PCDH11Y: variants seen among roughly 807,000 people sequenced by gnomAD.
The protein encoded by PCDH11Y is protocadherin 11 Y-linked.
For synonymous variants in PCDH11Y, 9 were observed against 83.6 expected, an observed-to-expected ratio of 0.11 and a Z score of 4.87; for missense variants, 12 against 224.8, an observed-to-expected ratio of 0.05 and a Z score of 6.05.
chrY:5,428,772 A>C, intron 2 of PCDH11Y, among the ~76,000 whole-genome samples: 1 of 33,161 alleles, frequency 3.0e-5, no homozygotes, highest in African/African-American at 1.2e-4. Context: ...AATACATTGC[A>C]CTACAACATT....
At chrY:5,538,696 A>G in intron 3 of PCDH11Y, among the ~76,000 whole-genome samples, 1 of 32,646 alleles carries the variant, frequency 3.1e-5, no homozygotes, top group Non-Finnish European at 7.5e-5. Context: ...ACAGGGCTGT[A>G]TTTTAGGAGA....
At chrY:5,216,875 C>T in intron 2 of PCDH11Y, among the ~76,000 whole-genome samples, 1 of 31,951 alleles carries the variant, frequency 3.1e-5, no homozygotes, top group African/African-American at 1.2e-4. Context: ...CTACTGTAGT[C>T]GCTTCAGTCA....
At chrY:5,203,557 C>G in intron 2 of PCDH11Y, among the ~76,000 whole-genome samples, 1 of 31,125 alleles carries the variant, frequency 3.2e-5, no homozygotes, top group African/African-American at 1.3e-4. Context: ...AATAATAAAT[C>G]AAATATGTTG....
At chrY:5,421,049 TACACACACAC>T (rs1310744427) in intron 2 of PCDH11Y, among the ~76,000 whole-genome samples, 2 of 16,960 alleles carry the variant, frequency 1.2e-4, no homozygotes, top group East Asian at 2.0e-3. Context: ...CTACTAAAAA[TACACACACAC>T]ACACACACAC....
At chrY:5,668,915 G>A (rs2053546951) in intron 4 of PCDH11Y, among the ~76,000 whole-genome samples, 1 of 29,093 alleles carries the variant, frequency 3.4e-5, no homozygotes, top group Non-Finnish European at 8.2e-5. Flanking sequence ...TCACGATGGC[G>A]AAAGAGAGCA....
chrY:5,740,522 T>C, exon 5 of PCDH11Y: 3 of 33,044 alleles, frequency 9.1e-5, no homozygotes, highest in Admixed American at 8.3e-4. Flanking sequence ...GGAAGCAGGC[T>C]GAGAGTAGCC....
intron 4 of PCDH11Y, among the ~76,000 whole-genome samples, chrY:5,615,023 G>A: frequency 3.1e-5 from 1 of 31,875 alleles, no homozygotes; most frequent in East Asian, 8.4e-4. Context: ...AAAGCCATCA[G>A]ATCTCGTGAG....
intron 2 of PCDH11Y, among the ~76,000 whole-genome samples, chrY:5,340,384 G>C: frequency 3.4e-5 from 1 of 29,190 alleles, no homozygotes; most frequent in African/African-American, 1.4e-4. Context: ...TCACTGACTC[G>C]AATGTTAATC....
intron 2 of PCDH11Y, chrY:5,338,855 A>AT: frequency 3.0e-6 from 1 of 333,900 alleles, no homozygotes; most frequent in South Asian, 3.1e-5. Context: ...CGAGAGGTTC[A>AT]TGTCATCAAA....
At chrY:5,695,198 C>T in intron 4 of PCDH11Y, among the ~76,000 whole-genome samples, 1 of 31,611 alleles carries the variant, frequency 3.2e-5, no homozygotes, top group African/African-American at 1.2e-4. Context: ...CTGACCACTT[C>T]GTCATTATGC....
chrY:5,156,197 GAGAA>G (rs2052869616), intron 2 of PCDH11Y, among the ~76,000 whole-genome samples: 2 of 30,697 alleles, frequency 6.5e-5, no homozygotes, highest in African/African-American at 1.3e-4. Flanking sequence ...GTGCGTGCCT[GAGAA>G]AGAGATAGAG....
intron 4 of PCDH11Y, among the ~76,000 whole-genome samples, chrY:5,729,926 C>T: frequency 3.0e-5 from 1 of 33,124 alleles, no homozygotes; most frequent in East Asian, 8.0e-4. Flanking sequence ...TATTAGATGG[C>T]TGTAGGTGTG....
chrY:5,622,142 T>A, intron 4 of PCDH11Y, among the ~76,000 whole-genome samples: 1 of 28,776 alleles, frequency 3.5e-5, no homozygotes, highest in East Asian at 9.6e-4. Context: ...GGGAGAAAAT[T>A]TCTTAATGTA....
chrY:5,284,523 A>G, intron 2 of PCDH11Y, among the ~76,000 whole-genome samples: 1 of 32,646 alleles, frequency 3.1e-5, no homozygotes, highest in African/African-American at 1.2e-4. Context: ...CTCTGCTTAT[A>G]TATGCAGCTT....
intron 2 of PCDH11Y, among the ~76,000 whole-genome samples, chrY:5,461,201 C>A: frequency 3.0e-5 from 1 of 32,993 alleles, no homozygotes; most frequent in African/African-American, 1.2e-4. Context: ...GCTTAAAATT[C>A]TTTTATAACC....
intron 2 of PCDH11Y, among the ~76,000 whole-genome samples, chrY:5,460,970 C>A: frequency 3.0e-5 from 1 of 32,803 alleles, no homozygotes. Flanking sequence ...GGTATTGAAA[C>A]CTCAAAGAAG....
intron 2 of PCDH11Y, among the ~76,000 whole-genome samples, chrY:5,182,332 C>T: frequency 3.0e-5 from 1 of 33,114 alleles, no homozygotes; most frequent in South Asian, 6.8e-4. Context: ...GATCTGTTGC[C>T]AGCCTACATG....
intron 4 of PCDH11Y, among the ~76,000 whole-genome samples, chrY:5,667,141 T>C (rs2053545523): frequency 3.6e-5 from 1 of 28,138 alleles, no homozygotes; most frequent in Non-Finnish European, 8.2e-5. Flanking sequence ...AATTTTAACA[T>C]CTATTAAAAT....
intron 2 of PCDH11Y, among the ~76,000 whole-genome samples, chrY:5,480,253 C>T: frequency 3.3e-5 from 1 of 30,668 alleles, no homozygotes; most frequent in Non-Finnish European, 7.8e-5. Context: ...GATGTTGTTG[C>T]TTTCCGTTTG....
Sources: allele counts gnomAD v4.1 joint callset (sites outside exome capture counted in the v4.1 genomes callset), GRCh38; gene constraint gnomAD v4.1.1; transcripts MANE v1.5; gene names NCBI Gene and HGNC (gene_info 2026-07-23, HGNC 2026-07-21).